Variants in CSGALNACT1 observed in about 807,000 individuals in gnomAD.
CSGALNACT1 encodes the protein beta4GalNAcT-1.
CSGALNACT1 carries 52 observed loss-of-function variants against 51.0 expected under a neutral mutation model. The observed-to-expected ratio is 1.02, with a 90% CI of 0.82 to 1.29. The LOEUF (loss-of-function observed/expected upper bound fraction) is 1.29, where lower values mean the gene tolerates loss of function less well. Among genes scored for constraint, CSGALNACT1 ranks in the 50% most tolerant of loss-of-function variants. The pLI, the probability that CSGALNACT1 is intolerant of heterozygous loss-of-function variation, is 0.00. For synonymous variants in CSGALNACT1, 341 were observed against 254.4 expected, an observed-to-expected ratio of 1.34 and a Z score of -3.24; for missense variants, 935 against 679.2, an observed-to-expected ratio of 1.38 and a Z score of -4.19.
intron 3 of CSGALNACT1, among the ~76,000 whole-genome samples, chr8:19,589,620 C>T (rs140855399): frequency 5.7e-4 from 87 of 152,210 alleles, no homozygotes; most frequent in African/African-American, 2.0e-3. Flanking sequence ...TGTTAGCCAC[C>T]GTGCACAGTC....
intron 1 of CSGALNACT1, among the ~76,000 whole-genome samples, chr8:19,730,731 A>T (rs2063647404): frequency 6.6e-6 from 1 of 152,080 alleles, no homozygotes; most frequent in Non-Finnish European, 1.5e-5. Context: ...GCCCCTGATC[A>T]TCCCTCTGAC....
upstream of CSGALNACT1, among the ~76,000 whole-genome samples, chr8:19,607,236 C>T (rs1355070961): frequency 2.0e-5 from 3 of 151,796 alleles, no homozygotes; most frequent in Non-Finnish European, 4.4e-5. Flanking sequence ...ACATTGTCAA[C>T]ATGGGAACCA....
At chr8:19,594,027 A>C (rs1317008204) in intron 2 of CSGALNACT1, among the ~76,000 whole-genome samples, 1 of 152,196 alleles carries the variant, frequency 6.6e-6, no homozygotes, top group Admixed American at 6.5e-5. Context: ...GTGCTGGTGG[A>C]ATATGCCATG....
At chr8:19,553,299 G>T (rs1179148297) in intron 3 of CSGALNACT1, among the ~76,000 whole-genome samples, 3 of 152,024 alleles carry the variant, frequency 2.0e-5, no homozygotes, top group African/African-American at 7.2e-5. Context: ...AAAACCTTCT[G>T]TTTATTAAAT....
chr8:19,715,948 T>C (rs10091557), intron 1 of CSGALNACT1, among the ~76,000 whole-genome samples: 5,609 of 152,320 alleles, frequency 0.037, 158 homozygotes, highest in African/African-American at 0.075. Flanking sequence ...CTGTGCACCA[T>C]GTCTCAGAGA....
intron 6 of CSGALNACT1, among the ~76,000 whole-genome samples, chr8:19,421,330 G>A (rs956986773): frequency 4.6e-5 from 7 of 152,194 alleles, no homozygotes; most frequent in South Asian, 2.1e-4. Flanking sequence ...GATGTTTCTC[G>A]CATTCGTTGT....
At chr8:19,627,406 G>T (rs557456922) in intron 1 of CSGALNACT1, among the ~76,000 whole-genome samples, 44 of 152,270 alleles carry the variant, frequency 2.9e-4, no homozygotes, top group African/African-American at 1.0e-3. Context: ...ACTATAAAAA[G>T]ATTGCACAAG....
chr8:19,574,203 G>T (rs1356571185), intron 3 of CSGALNACT1, among the ~76,000 whole-genome samples: 1 of 152,152 alleles, frequency 6.6e-6, no homozygotes, highest in Non-Finnish European at 1.5e-5. Flanking sequence ...ACAAGCCACT[G>T]CACCCAGCTG....
intron 1 of CSGALNACT1, among the ~76,000 whole-genome samples, chr8:19,730,809 C>T (rs904887885): frequency 3.3e-5 from 5 of 152,200 alleles, no homozygotes; most frequent in African/African-American, 9.6e-5. Flanking sequence ...AAATAGCTCT[C>T]TTGTGTTCCA....
chr8:19,407,908 TGTGTGTGTGTG>T, intron 9 of CSGALNACT1, among the ~76,000 whole-genome samples: 1 of 47,004 alleles, frequency 2.1e-5, no homozygotes, highest in African/African-American at 9.4e-5. Context: ...ATATGAATTG[TGTGTGTGTGTG>T]TGTGTGTGTG....
At chr8:19,659,520 T>A (rs1359210293) in intron 1 of CSGALNACT1, among the ~76,000 whole-genome samples, 3 of 152,236 alleles carry the variant, frequency 2.0e-5, no homozygotes, top group African/African-American at 7.2e-5. Context: ...ATTAGTCATA[T>A]GAATCCCCCA....
intron 3 of CSGALNACT1, among the ~76,000 whole-genome samples, chr8:19,555,009 C>T (rs4549790): frequency 9.9e-5 from 15 of 151,018 alleles, no homozygotes; most frequent in African/African-American, 2.7e-4. Context: ...GGACGCCGAG[C>T]GGGGGTGAAT....
intron 3 of CSGALNACT1, among the ~76,000 whole-genome samples, chr8:19,549,061 C>G (rs1178162760): frequency 4.6e-5 from 7 of 152,092 alleles, no homozygotes; most frequent in African/African-American, 1.4e-4. Flanking sequence ...AAGTAGTCCT[C>G]CTGCCTCAGC....
chr8:19,454,722 G>T (rs2063773938), intron 5 of CSGALNACT1, among the ~76,000 whole-genome samples: 2 of 151,990 alleles, frequency 1.3e-5, no homozygotes, highest in South Asian at 2.1e-4. Flanking sequence ...GACACAGAAG[G>T]CAGAAAGTGT....
At chr8:19,418,346 A>T (rs187975752) in intron 8 of CSGALNACT1, among the ~76,000 whole-genome samples, 1 of 152,310 alleles carries the variant, frequency 6.6e-6, no homozygotes, top group East Asian at 1.9e-4. Context: ...ATTTTGCAAA[A>T]ATCAAGAGAA....
intron 1 of CSGALNACT1, among the ~76,000 whole-genome samples, chr8:19,667,040 G>A (rs200850355): frequency 0.14 from 4,792 of 33,676 alleles, 697 homozygotes; most frequent in African/African-American, 0.27. Context: ...AGGAAGGAAG[G>A]AAGAAAGAAA....
rs1264728491 is a variant in CSGALNACT1 at position 19,669,387 on chromosome 8, G to C, written c.-544+13086C>G. On this transcript the variant is annotated intron_variant, in intron 1 of 9. Transcript: ENST00000332246. Reference sequence around the variant, plus strand: ...ATCATAAAAACTACAAACATTCAAAGCACATGGTTACTCTACCAAACCAAA... The same window carrying C: ...ATCATAAAAACTACAAACATTCAAACCACATGGTTACTCTACCAAACCAAA... Among the ~76,000 whole-genome samples the C allele has an allele frequency of 1.1e-4, 17 of 152,120 alleles. No homozygotes were observed. The East Asian group carries it at 3.3e-3, about 29-fold the overall frequency.
At chr8:19,713,492 T>C (rs2062628796) in intron 1 of CSGALNACT1, among the ~76,000 whole-genome samples, 2 of 152,194 alleles carry the variant, frequency 1.3e-5, no homozygotes, top group Admixed American at 6.5e-5. Flanking sequence ...CATCCTTTTT[T>C]GGAAATAAGG....
chr8:19,556,361 G>C (rs546269698), intron 3 of CSGALNACT1, among the ~76,000 whole-genome samples: 3 of 146,574 alleles, frequency 2.0e-5, no homozygotes, highest in Non-Finnish European at 4.5e-5. Context: ...TAGGCAACAA[G>C]AGTGAAACTC....
Sources: allele counts gnomAD v4.1 joint callset (sites outside exome capture counted in the v4.1 genomes callset), GRCh38; gene constraint gnomAD v4.1.1; transcripts MANE v1.5; gene names NCBI Gene and HGNC (gene_info 2026-07-23, HGNC 2026-07-21).